The following BBIP1 variants were observed in gnomAD, a reference collection of about 807,000 sequenced individuals.
BBIP1 encodes the protein BBSome interacting protein 1.
A neutral mutation model predicts 8.9 loss-of-function variants in BBIP1; 6 were observed. The observed-to-expected ratio is 0.67, with a 90% CI of 0.37 to 1.33. The LOEUF (loss-of-function observed/expected upper bound fraction) is 1.33, where lower values mean the gene tolerates loss of function less well. Ranked by LOEUF, BBIP1 falls within the 40% of genes most tolerant of loss-of-function variation. The pLI, the probability that BBIP1 is intolerant of heterozygous loss-of-function variation, is 0.02. For synonymous variants in BBIP1, 32 were observed against 33.4 expected, an observed-to-expected ratio of 0.96 and a Z score of 0.14; for missense variants, 111 against 109.2, an observed-to-expected ratio of 1.02 and a Z score of -0.07.
At chr10:110,907,661 A>C in intron 2 of BBIP1, 3 of 655,290 alleles carry the variant, frequency 4.6e-6, no homozygotes, top group Non-Finnish European at 8.2e-6. Context: ...TTAGGATCTG[A>C]AAAGTGATTG....
intron 2 of BBIP1, among the ~76,000 whole-genome samples, chr10:110,906,292 C>T (rs934582708): frequency 6.6e-6 from 1 of 152,162 alleles, no homozygotes; most frequent in Non-Finnish European, 1.5e-5. Flanking sequence ...AGAGGTGAGC[C>T]ACCGTGCCTG....
intron 2 of BBIP1, among the ~76,000 whole-genome samples, chr10:110,906,081 C>T (rs1363289580): frequency 6.6e-6 from 1 of 150,752 alleles, no homozygotes; most frequent in Admixed American, 6.6e-5. Flanking sequence ...TGGCTCACTG[C>T]AAGCTCCGCC....
chr10:110,914,341 G>C (rs947583346), intron 2 of BBIP1, among the ~76,000 whole-genome samples: 1 of 151,840 alleles, frequency 6.6e-6, no homozygotes, highest in East Asian at 1.9e-4. Context: ...GTTCTGAGAG[G>C]GGGTGGTGAG....
intron 2 of BBIP1, among the ~76,000 whole-genome samples, chr10:110,917,014 C>T (rs75498277): frequency 0.021 from 3,248 of 151,346 alleles, 127 homozygotes; most frequent in African/African-American, 0.075. Context: ...CATATCCTTG[C>T]AAAAAAAATG....
At chr10:110,911,866 G>T (rs562582087) in intron 2 of BBIP1, 1 of 152,226 alleles carries the variant, frequency 6.6e-6, no homozygotes, top group East Asian at 1.9e-4. Context: ...CAACATTTAA[G>T]AAGATGGTGG....
intron 2 of BBIP1, among the ~76,000 whole-genome samples, chr10:110,906,253 A>C (rs1054175300): frequency 1.1e-4 from 16 of 151,950 alleles, no homozygotes; most frequent in Non-Finnish European, 1.9e-4. Flanking sequence ...TGATCCGCCC[A>C]CCTCGGCCTC....
chr10:110,901,185 G>A (rs1845990196), intron 3 of BBIP1: 1 of 436,954 alleles, frequency 2.3e-6, no homozygotes, highest in East Asian at 6.7e-5. Flanking sequence ...TAGCAAATCA[G>A]TAGGCTAGGG....
At chr10:110,916,852 C>G (rs896686656) in intron 2 of BBIP1, among the ~76,000 whole-genome samples, 4 of 152,210 alleles carry the variant, frequency 2.6e-5, no homozygotes, top group Non-Finnish European at 2.9e-5. Context: ...TCTATACACA[C>G]AGGATTAAAT....
intron 2 of BBIP1, among the ~76,000 whole-genome samples, chr10:110,910,275 C>T (rs575179815): frequency 2.0e-4 from 31 of 152,222 alleles, no homozygotes; most frequent in African/African-American, 6.3e-4. Flanking sequence ...AGTGTTCTGT[C>T]GGAGGACATG....
At chr10:110,909,939 T>A (rs1384731495) in intron 2 of BBIP1, among the ~76,000 whole-genome samples, 1 of 152,154 alleles carries the variant, frequency 6.6e-6, no homozygotes, top group Non-Finnish European at 1.5e-5. Flanking sequence ...CGTAGCTAAG[T>A]GAGAGAGACA....
At chr10:110,901,665 T>C in intron 2 of BBIP1, 53 bp from the exon 3 acceptor site, 1 of 1,313,792 alleles carries the variant, frequency 7.6e-7, no homozygotes, top group Non-Finnish European at 1.1e-6. Flanking sequence ...GCAGACTGCC[T>C]GAGACATTTC....
chr10:110,900,637 A>C, intron 3 of BBIP1, 111 bp from the exon 4 acceptor site: 2 of 875,410 alleles, frequency 2.3e-6, no homozygotes, highest in Non-Finnish European at 3.3e-6. Flanking sequence ...TCACTGAAAA[A>C]CTCTTGTACC....
At position 110,918,114 on chromosome 10, in the gene BBIP1, A is replaced by C; in HGVS notation, c.37+7T>G. On this transcript the variant is annotated splice_region_variant and intron_variant, in intron 2 of 3. Coordinates refer to ENST00000448814, the MANE Select transcript of BBIP1 (RefSeq NM_001195305.3). ...ACTGGCTGGATATTAACCATTTTCA[A>C]TTTTACCTGAAAGTTCTGGTCTTTT... 1 of 1,535,458 alleles carries C rather than the reference A, an allele frequency of 6.5e-7. No homozygotes were observed. Among genetic ancestry groups the C allele is most frequent in the African/African-American group, 1.4e-5 (1 of 73,146 alleles).
At position 110,914,490 on chromosome 10, in the gene BBIP1, A is replaced by AT. The variant is rs1846350305; in HGVS notation, c.37+3630dup. Among the ~76,000 whole-genome samples, 3 of 152,056 alleles carry AT rather than the reference A, an allele frequency of 2.0e-5. No homozygotes were observed. In the South Asian group the frequency reaches 6.2e-4, roughly 32 times the overall value. ...GAAAAGGGGAGCCCAGAAAGAATGC[A>AT]TTTTTCAGCAAACATAAAGTAGTAA... On this transcript the variant is annotated intron_variant, in intron 2 of 3. Coordinates refer to ENST00000448814, the MANE Select transcript of BBIP1 (RefSeq NM_001195305.3).
Position 110,900,400 on chromosome 10 carries a change from T to C in BBIP1, c.239A>G (p.Gln80Arg), listed in dbSNP as rs1590744711. Residue 80 changes from glutamine (Q) to arginine (R), a missense_variant, in exon 4 of 4, where the codon CAA (glutamine) becomes CGA (arginine). Physicochemically the swap from Gln to Arg is conservative, Grantham distance 43 (BLOSUM62 1). Transcript: ENST00000448814. ...CCGTTGATCCTTTTCTGCCATTTCT[T>C]GTTGGCGAATTGTATTCTGTGCTGC... ...HQAAQNTIRQ[Q>R]EMAEKDQRQI... The C allele has an allele frequency of 6.5e-7, 1 of 1,535,674 alleles. No individual in the cohort carries two copies.
chr10:110,900,683 T>C (rs540589222), intron 3 of BBIP1, 157 bp from the exon 4 acceptor site: 9 of 620,234 alleles, frequency 1.5e-5, no homozygotes, highest in African/African-American at 1.1e-4. Context: ...GAAAGATCAT[T>C]GTCATTCTAT....
At position 110,899,068 on chromosome 10, in the gene BBIP1, C is replaced by T. The variant is rs796147119; in HGVS notation, c.*1292G>A. On this transcript the variant is annotated 3_prime_UTR_variant, in exon 4 of 4. Transcript: ENST00000448814. ...GGCTAATGTTACAAAAAGTTATACT[C>T]CAGAGACCCAAAGCTTGACATTTAC... 16 of 152,214 alleles carry T rather than the reference C, an allele frequency of 1.1e-4. No homozygotes were observed. The highest frequency in any genetic ancestry group is 3.9e-4 in the African/African-American group (16 of 41,544). 9.4% of individuals were successfully genotyped at this position (152,214 alleles called of 1,614,324 possible). A position where few individuals can be genotyped will look rare whatever the true frequency, so the allele number is the denominator to read the frequency against.
intron 2 of BBIP1, chr10:110,907,359 C>T (rs1056613949): frequency 3.0e-5 from 5 of 168,330 alleles, no homozygotes; most frequent in African/African-American, 9.5e-5. Context: ...AAAAAATTAA[C>T]AAAAATTATT....
chr10:110,909,657 A>G (rs1326448342), intron 2 of BBIP1, among the ~76,000 whole-genome samples: 1 of 152,244 alleles, frequency 6.6e-6, no homozygotes, highest in African/African-American at 2.4e-5. Context: ...TCTCTGTTCA[A>G]GAAAGTATAA....
Sources: gnomAD v4.1 joint callset for allele counts (sites outside exome capture counted in the v4.1 genomes callset) on GRCh38, gnomAD v4.1.1 for gene constraint, MANE v1.5 for transcripts, NCBI Gene and HGNC (gene_info 2026-07-23, HGNC 2026-07-21) for gene names.